RGS18: variants seen among roughly 807,000 people sequenced by gnomAD.
RGS18 encodes the protein regulator of G protein signaling 18.
In RGS18, 22 loss-of-function variants were observed where a neutral mutation model predicts 27.6. The ratio of observed to expected loss-of-function variants is 0.80; its 90% CI spans 0.57 to 1.14. RGS18 has a LOEUF of 1.14. RGS18 is among the 50% of genes most tolerant of loss of function. The pLI, the probability that RGS18 is intolerant of heterozygous loss-of-function variation, is 0.00. For missense variants in RGS18, 299 were observed against 269.6 expected (o/e 1.11, Z -0.76); for synonymous variants, 89 against 84.6 (o/e 1.05, Z -0.29).
Position 192,158,646 on chromosome 1 carries a change from A to G in RGS18, c.9A>G (p.Thr3=). Residue 3 remains threonine (T), a synonymous_variant, in exon 1 of 5, where the codon ACA becomes ACG. Coordinates refer to ENST00000367460, the MANE Select transcript of RGS18 (RefSeq NM_130782.3). The part of the protein sequence containing the change: ME[T]TLLFFSQINM... Reference sequence around the variant, plus strand: ...TTCATTTTAGAGAGAAGATGGAAACAACATTGCTTTTCTTTTCTCAAATAA... The same window carrying G: ...TTCATTTTAGAGAGAAGATGGAAACGACATTGCTTTTCTTTTCTCAAATAA... 1 of 1,564,456 alleles carries G rather than the reference A, an allele frequency of 6.4e-7. No homozygotes were observed. Among genetic ancestry groups the G allele is most frequent in the Non-Finnish European group, 8.6e-7 (1 of 1,162,550 alleles).
intron 3 of RGS18, among the ~76,000 whole-genome samples, chr1:192,176,693 C>G (rs940507262): frequency 1.3e-5 from 2 of 151,570 alleles, no homozygotes; most frequent in Non-Finnish European, 3.0e-5. Flanking sequence ...GTACCTAGAC[C>G]AGTGTCTGGA....
rs541737250 is a variant in RGS18, at chr1:192,181,794, T to G, written c.450+336T>G. 1.3e-4 allele frequency among the ~76,000 whole-genome samples: 19 copies of G among 151,706 alleles called. No individual in the cohort carries two copies. The South Asian group carries it at 3.9e-3, about 31-fold the overall frequency. ...CTATTAGGTAATATAACACCAGAACTTATTCTTCCTATCTATCTCTGTACC... is the reference window on the plus strand; with the variant it reads ...CTATTAGGTAATATAACACCAGAACGTATTCTTCCTATCTATCTCTGTACC... On this transcript the variant is annotated intron_variant, in intron 4 of 4. Transcript: ENST00000367460.
intron 3 of RGS18, among the ~76,000 whole-genome samples, chr1:192,176,279 T>A (rs796974277): frequency 6.6e-6 from 1 of 151,868 alleles, no homozygotes; most frequent in African/African-American, 2.4e-5. Flanking sequence ...GTTTCCTTTT[T>A]TCAGTAGCCT....
At chr1:192,164,607 A>T (rs532475536) in intron 3 of RGS18, among the ~76,000 whole-genome samples, 1 of 152,330 alleles carries the variant, frequency 6.6e-6, no homozygotes, top group African/African-American at 2.4e-5. Flanking sequence ...AGATATTAAT[A>T]ACAGGGAAAT....
chr1:192,180,096 A>G (rs963682791), intron 3 of RGS18, among the ~76,000 whole-genome samples: 1 of 151,628 alleles, frequency 6.6e-6, no homozygotes, highest in Non-Finnish European at 1.5e-5. Context: ...AGCGTTTTTG[A>G]AGTCACATTG....
chr1:192,167,632 G>A (rs913649861), intron 3 of RGS18, among the ~76,000 whole-genome samples: 3 of 152,028 alleles, frequency 2.0e-5, no homozygotes, highest in Non-Finnish European at 1.5e-5. Context: ...TGTTGGCCAG[G>A]CTGGTCTTGA....
intron 3 of RGS18, among the ~76,000 whole-genome samples, chr1:192,162,212 C>G (rs1656085796): frequency 6.6e-6 from 1 of 152,192 alleles, no homozygotes; most frequent in Non-Finnish European, 1.5e-5. Flanking sequence ...AACTACTGTA[C>G]TCACTTTTCT....
intron 3 of RGS18, 57 bp from the exon 4 acceptor site, chr1:192,181,235 G>C: frequency 2.1e-6 from 2 of 965,760 alleles, no homozygotes; most frequent in Non-Finnish European, 3.0e-6. Context: ...TTATCAATCA[G>C]TAAATGTTTC....
chr1:192,176,162 G>T (rs924167773), intron 3 of RGS18, among the ~76,000 whole-genome samples: 1 of 151,832 alleles, frequency 6.6e-6, no homozygotes. Context: ...ATCTCAGGAT[G>T]TTGCATTGTC....
At chr1:192,174,252 A>G (rs941553275) in intron 3 of RGS18, among the ~76,000 whole-genome samples, 4 of 151,602 alleles carry the variant, frequency 2.6e-5, no homozygotes, top group African/African-American at 4.8e-5. Flanking sequence ...GTTTTTATCT[A>G]TGTTACTAGT....
At chr1:192,164,104 T>A (rs1656120798) in intron 3 of RGS18, among the ~76,000 whole-genome samples, 1 of 152,088 alleles carries the variant, frequency 6.6e-6, no homozygotes, top group Admixed American at 6.6e-5. Context: ...GGTATTCAAT[T>A]TGACAAAAAC....
intron 3 of RGS18, 71 bp downstream of exon 3, chr1:192,160,510 C>G (rs114973754): frequency 2.7e-6 from 3 of 1,128,926 alleles, no homozygotes; most frequent in Non-Finnish European, 4.0e-6. Context: ...TGTAATTATC[C>G]GAAACAATAG....
chr1:192,160,348 C>T (rs1319461136), intron 2 of RGS18, 30 bp from the exon 3 acceptor site: 3 of 1,497,480 alleles, frequency 2.0e-6, no homozygotes, highest in Middle Eastern at 1.7e-4. Context: ...TCTGCACACT[C>T]CATTATAAAA....
chr1:192,164,314 A>C (rs1179559838), intron 3 of RGS18, among the ~76,000 whole-genome samples: 2 of 152,136 alleles, frequency 1.3e-5, no homozygotes, highest in African/African-American at 4.8e-5. Flanking sequence ...ATTAAAACCA[A>C]AACAATTCTT....
chr1:192,184,368 T>C lies in RGS18; in HGVS notation c.522T>C (p.Asp174=), dbSNP rs762421270. 5.0e-6 allele frequency: 8 copies of C among 1,611,860 alleles called. No individual in the cohort carries two copies. In the South Asian group the frequency reaches 5.5e-5, roughly 11 times the overall value. ...CTCAACCTACCCTCCACAGTTTTGA[T>C]GCTGCACAAAGCAGAGTGTATCAGC... ...SITQPTLHSF[D]AAQSRVYQLM... Residue 174 remains aspartate (D), a synonymous_variant, in exon 5 of 5, where the codon GAT becomes GAC. Transcript: ENST00000367460.
chr1:192,165,569 A>C (rs1018683832), intron 3 of RGS18, among the ~76,000 whole-genome samples: 1 of 152,136 alleles, frequency 6.6e-6, no homozygotes, highest in East Asian at 1.9e-4. Context: ...CAGCTTTAAA[A>C]TTTCTCTCTT....
chr1:192,167,415 C>A lies in RGS18; in HGVS notation c.283+6976C>A, dbSNP rs188869940. Among the ~76,000 whole-genome samples the A allele has an allele frequency of 3.4e-3, 524 of 151,892 alleles. 4 individuals carry two copies. Among genetic ancestry groups the A allele is most frequent in the Middle Eastern group, 0.01 (3 of 294 alleles). On this transcript the variant is annotated intron_variant, in intron 3 of 4. Transcript: ENST00000367460. Reference sequence around the variant, plus strand: ...AACTCAAGCTAACCCATAACAAGCACAAGCACTCAACTTTTTTTTTTTTAT... The same window carrying A: ...AACTCAAGCTAACCCATAACAAGCAAAAGCACTCAACTTTTTTTTTTTTAT...
At chr1:192,160,997 C>A (rs1249122381) in intron 3 of RGS18, among the ~76,000 whole-genome samples, 1 of 152,020 alleles carries the variant, frequency 6.6e-6, no homozygotes, top group African/African-American at 2.4e-5. Context: ...CTACAGGCTC[C>A]CGCCACCACG....
intron 3 of RGS18, among the ~76,000 whole-genome samples, chr1:192,175,253 T>A (rs1191882666): frequency 6.6e-6 from 1 of 151,896 alleles, no homozygotes; most frequent in Non-Finnish European, 1.5e-5. Flanking sequence ...AGATAACTTA[T>A]CAGTTTTTAT....
Sources: allele counts gnomAD v4.1 joint callset (sites outside exome capture counted in the v4.1 genomes callset), GRCh38; gene constraint gnomAD v4.1.1; transcripts MANE v1.5; gene names NCBI Gene and HGNC (gene_info 2026-07-23, HGNC 2026-07-21).